The following ITCH variants were observed in gnomAD, a reference collection of about 807,000 sequenced individuals.
ITCH encodes E3 ubiquitin-protein ligase Itchy homolog.
In ITCH, 28 loss-of-function variants were observed where a neutral mutation model predicts 126.8. The ratio of observed to expected loss-of-function variants is 0.22; its 90% CI spans 0.16 to 0.30. ITCH has a LOEUF of 0.30. Ranked by LOEUF, ITCH falls within the 10% of genes least tolerant of loss-of-function variation. ITCH has a pLI of 1.00. For missense variants in ITCH, 631 were observed against 1,032.4 expected (o/e 0.61, Z 5.33); for synonymous variants, 342 against 340.0 (o/e 1.01, Z -0.06).
chr20:34,393,302 AG>A (rs2038552258), intron 2 of ITCH, among the ~76,000 whole-genome samples: 1 of 152,148 alleles, frequency 6.6e-6, no homozygotes, highest in Admixed American at 6.6e-5. Context: ...TGAGCCCAGG[AG>A]TTTGAAACCA....
At chr20:34,375,127 C>T (rs574357131) in intron 2 of ITCH, among the ~76,000 whole-genome samples, 4 of 142,142 alleles carry the variant, frequency 2.8e-5, no homozygotes, top group East Asian at 2.1e-4. Flanking sequence ...CCATAACCTC[C>T]GCTTTCCGGG....
chr20:34,445,353 G>A lies in ITCH; in HGVS notation c.1032G>A (p.Thr344=), dbSNP rs201221876. ...TTGACCATTTCACAAGAACAACAACGTGGCAGAGGCCAACACTGGAATCCG... is the reference window on the plus strand; with the variant it reads ...TTGACCATTTCACAAGAACAACAACATGGCAGAGGCCAACACTGGAATCCG... The part of the protein sequence containing the change: ...YYVDHFTRTT[T]WQRPTLESVR... The change falls in exon 11 of 25, where the codon ACG becomes ACA. Residue 344 remains threonine, a synonymous_variant. Coordinates refer to ENST00000374864, the MANE Select transcript of ITCH (RefSeq NM_031483.7). 126 of 1,612,688 alleles carry A rather than the reference G, an allele frequency of 7.8e-5. No individual in the cohort carries two copies. The highest frequency in any genetic ancestry group is 4.3e-4 in the Admixed American group (26 of 59,844).
rs775765280 is a variant in ITCH, at chr20:34,477,789, C to T, written c.1587C>T (p.Pro529=). 1 of 1,613,450 alleles carries T rather than the reference C, an allele frequency of 6.2e-7. No homozygotes were observed. The highest frequency in any genetic ancestry group is 1.3e-5 in the African/African-American group (1 of 74,764). Residue 529 remains proline, a synonymous_variant, in exon 17 of 25, where the codon CCC becomes CCT. Transcript: ENST00000374864. ...TTTTTTAGATAATGAGCTTCAGTCC[C>T]CAAGATCTGCGAAGACGTTTGTGGG... The part of the protein sequence containing the change: ...DSFQQIMSFS[P]QDLRRRLWVI...
chr20:34,385,509 C>G (rs867057335), intron 2 of ITCH, among the ~76,000 whole-genome samples: 3 of 152,036 alleles, frequency 2.0e-5, no homozygotes, highest in Admixed American at 1.3e-4. Flanking sequence ...TAAACTCTAG[C>G]AGTAGTCAAA....
At chr20:34,363,945 C>A (rs1024358487) in intron 1 of ITCH, among the ~76,000 whole-genome samples, 1 of 152,184 alleles carries the variant, frequency 6.6e-6, no homozygotes, top group African/African-American at 2.4e-5. Context: ...CCGCCACCGT[C>A]GTGGCGGCGC....
At chr20:34,370,938 G>A (rs1301952080) in intron 2 of ITCH, among the ~76,000 whole-genome samples, 50 of 152,080 alleles carry the variant, frequency 3.3e-4, no homozygotes, top group Admixed American at 3.3e-3. Flanking sequence ...GGAGGCCGAG[G>A]CGGGTGGATC....
intron 13 of ITCH, 100 bp from the exon 14 acceptor site, chr20:34,461,993 A>G: frequency 8.2e-7 from 1 of 1,219,210 alleles, no homozygotes; most frequent in East Asian, 2.3e-5. Context: ...ATGGTTTTCT[A>G]AAAGATTTCT....
chr20:34,421,891 C>T (rs1005709904), intron 6 of ITCH, among the ~76,000 whole-genome samples: 1 of 152,104 alleles, frequency 6.6e-6, no homozygotes, highest in Admixed American at 6.5e-5. Flanking sequence ...GGCATGCATC[C>T]ATGCATCCTC....
Position 34,438,635 on chromosome 20 carries a change from T to C in ITCH, c.679+4T>C. The C allele has an allele frequency of 6.2e-7, 1 of 1,613,850 alleles. No homozygotes were observed. The highest frequency in any genetic ancestry group is 8.5e-7 in the Non-Finnish European group (1 of 1,179,934). ...CCACCCACCCCACGTAGACCAGGTT[T>C]GTATTCCAGCTCTCAATACTCTTGG... On this transcript the variant is annotated splice_donor_region_variant and intron_variant, in intron 8 of 24. Transcript: ENST00000374864.
At chr20:34,485,213 T>G (rs904961601) in intron 20 of ITCH, among the ~76,000 whole-genome samples, 1 of 152,238 alleles carries the variant, frequency 6.6e-6, no homozygotes, top group Non-Finnish European at 1.5e-5. Context: ...ATGTTTTGGT[T>G]GTTTCTCAGT....
intron 23 of ITCH, among the ~76,000 whole-genome samples, chr20:34,500,608 C>CT (rs1990186494): frequency 6.6e-6 from 1 of 151,958 alleles, no homozygotes; most frequent in African/African-American, 2.4e-5. Context: ...GGTCATTTTT[C>CT]TTTTTAAATC....
intron 4 of ITCH, 94 bp downstream of exon 4, chr20:34,408,886 GT>G: frequency 1.7e-6 from 2 of 1,205,402 alleles, no homozygotes; most frequent in Non-Finnish European, 2.4e-6. Flanking sequence ...GTTTTTTGTT[GT>G]TGTTGTTCCT....
intron 7 of ITCH, among the ~76,000 whole-genome samples, chr20:34,433,489 T>C (rs1260862400): frequency 6.6e-6 from 1 of 152,000 alleles, no homozygotes; most frequent in Non-Finnish European, 1.5e-5. Context: ...ACCACCCTGG[T>C]CACCATGGAT....
At chr20:34,366,335 A>T (rs1247035232) in intron 1 of ITCH, among the ~76,000 whole-genome samples, 1 of 151,924 alleles carries the variant, frequency 6.6e-6, no homozygotes, top group Non-Finnish European at 1.5e-5. Flanking sequence ...TGATCTTCCC[A>T]CCCCAGCCTC....
intron 1 of ITCH, among the ~76,000 whole-genome samples, chr20:34,369,172 A>G (rs545478017): frequency 6.6e-6 from 1 of 152,234 alleles, no homozygotes; most frequent in Non-Finnish European, 1.5e-5. Flanking sequence ...TACTAAAAAT[A>G]CGAAAGTTAG....
chr20:34,439,555 C>T (rs6119498), intron 8 of ITCH, among the ~76,000 whole-genome samples: 1 of 152,166 alleles, frequency 6.6e-6, no homozygotes, highest in Non-Finnish European at 1.5e-5. Context: ...GAGTTACGGG[C>T]GTAAGCCACT....
rs60619641 is a variant in ITCH at position 34,496,803 on chromosome 20, CAA to C, written c.2416+4223_2416+4224del. On this transcript the variant is annotated intron_variant, in intron 23 of 24. Transcript: ENST00000374864. ...GGGCAAGAAGAGCAACACTCCATCT[CAA>C]AAAAAAAAAAAAAAAAGAAAAGAGA... Among the ~76,000 whole-genome samples the C allele has an allele frequency of 2.3e-3, 226 of 99,354 alleles. 1 individual carries two copies. Among genetic ancestry groups the C allele is most frequent in the Non-Finnish European group, 3.4e-3 (164 of 48,864 alleles). 65.2% of individuals were successfully genotyped at this position (99,354 alleles called of 152,430 possible).
intron 6 of ITCH, chr20:34,417,306 A>G: frequency 2.4e-6 from 1 of 420,992 alleles, no homozygotes; most frequent in East Asian, 4.6e-5. Flanking sequence ...CGTGTTGGCC[A>G]GGCTGGCTTT....
In ITCH at chr20:34,372,080, G is replaced by A. The variant is rs149323292; in HGVS notation, c.-22+2610G>A. Among the ~76,000 whole-genome samples, 1,186 of 152,064 alleles carry A rather than the reference G, an allele frequency of 7.8e-3. 13 individuals carry two copies. Among genetic ancestry groups the A allele is most frequent in the African/African-American group, 0.027 (1,128 of 41,498 alleles). ...CTAGCACTTTGGGAGGCTGAGGCGG[G>A]CGGATCACGAGGTCAGAAGATCGAG... is the stretch of plus-strand genomic sequence containing the variant. On this transcript the variant is annotated intron_variant, in intron 2 of 24. Coordinates refer to ENST00000374864, the MANE Select transcript of ITCH (RefSeq NM_031483.7).
Sources: allele counts gnomAD v4.1 joint callset (sites outside exome capture counted in the v4.1 genomes callset), GRCh38; gene constraint gnomAD v4.1.1; transcripts MANE v1.5; gene names NCBI Gene and HGNC (gene_info 2026-07-23, HGNC 2026-07-21).